The following COL25A1 variants were observed in gnomAD, a reference collection of about 807,000 sequenced individuals.
COL25A1 encodes the protein collagen alpha-1(XXV) chain.
A neutral mutation model predicts 128.4 loss-of-function variants in COL25A1; 103 were observed. That is an observed-to-expected ratio of 0.80 (90% CI 0.68 to 0.94). The LOEUF is 0.94. Ranked by LOEUF, COL25A1 falls within the 40% of genes least tolerant of loss-of-function variation. The pLI is 0.00. For missense variants in COL25A1, 745 were observed against 840.0 expected, an observed-to-expected ratio of 0.89 and a Z score of 1.40; for synonymous variants, 279 against 277.2, an observed-to-expected ratio of 1.01 and a Z score of -0.06.
chr4:109,274,420 G>C (rs1782405795), intron 3 of COL25A1, among the ~76,000 whole-genome samples: 1 of 152,060 alleles, frequency 6.6e-6, no homozygotes, highest in African/African-American at 2.4e-5. Flanking sequence ...TTTACAGAAA[G>C]AGAAATGATT....
At chr4:108,993,106 T>C (rs772596820) in intron 6 of COL25A1, among the ~76,000 whole-genome samples, 3 of 152,196 alleles carry the variant, frequency 2.0e-5, no homozygotes, top group Non-Finnish European at 4.4e-5. Flanking sequence ...GTAGTCACCA[T>C]GTTGTACCAT....
At chr4:109,191,061 C>T (rs1775564747) in intron 3 of COL25A1, among the ~76,000 whole-genome samples, 1 of 152,152 alleles carries the variant, frequency 6.6e-6, no homozygotes, top group Admixed American at 6.5e-5. Context: ...TCAGCATTTT[C>T]CTGCAAGGTT....
intron 3 of COL25A1, among the ~76,000 whole-genome samples, chr4:109,101,291 A>T (rs1056025304): frequency 1.3e-5 from 2 of 152,212 alleles, no homozygotes; most frequent in African/African-American, 4.8e-5. Flanking sequence ...GGAGGAATGC[A>T]CAGGTAAGGC....
At chr4:109,023,150 A>AT (rs1757926517) in intron 5 of COL25A1, among the ~76,000 whole-genome samples, 1 of 152,234 alleles carries the variant, frequency 6.6e-6, no homozygotes, top group South Asian at 2.1e-4. Context: ...CTTCCACAGC[A>AT]TATCAGTGAC....
At chr4:109,224,855 G>A (rs567078819) in intron 3 of COL25A1, among the ~76,000 whole-genome samples, 26 of 152,162 alleles carry the variant, frequency 1.7e-4, no homozygotes, top group Non-Finnish European at 2.9e-4. Context: ...CAGGAGAATC[G>A]CTTGAACCCG....
chr4:108,987,532 G>A (rs910303708), intron 6 of COL25A1, among the ~76,000 whole-genome samples: 2 of 151,832 alleles, frequency 1.3e-5, no homozygotes, highest in African/African-American at 2.4e-5. Context: ...CCACCACCAT[G>A]CCTGGCTAAT....
chr4:108,967,770 T>G (rs1181760084), intron 8 of COL25A1, among the ~76,000 whole-genome samples: 1 of 152,142 alleles, frequency 6.6e-6, no homozygotes, highest in Admixed American at 6.5e-5. Context: ...TTATAATTAT[T>G]ATGTGAGGTC....
At chr4:109,253,429 G>A (rs530387193) in intron 3 of COL25A1, among the ~76,000 whole-genome samples, 1 of 152,248 alleles carries the variant, frequency 6.6e-6, no homozygotes. Flanking sequence ...TTGAAGACAG[G>A]CAGGGAGAGC....
chr4:109,173,698 T>A (rs1024521296), intron 3 of COL25A1, among the ~76,000 whole-genome samples: 4 of 152,184 alleles, frequency 2.6e-5, no homozygotes, highest in African/African-American at 9.6e-5. Context: ...ATGTCAATAA[T>A]TATATTCAGT....
intron 23 of COL25A1, among the ~76,000 whole-genome samples, chr4:108,860,707 T>C (rs1737099745): frequency 2.0e-5 from 3 of 152,148 alleles, no homozygotes; most frequent in African/African-American, 7.2e-5. Context: ...TTAGGCCTTC[T>C]CAAAGAAGCT....
chr4:108,920,187 C>T (rs917082782), intron 12 of COL25A1, among the ~76,000 whole-genome samples: 1 of 152,134 alleles, frequency 6.6e-6, no homozygotes, highest in African/African-American at 2.4e-5. Context: ...TATAGTGAAC[C>T]CAGCAATATC....
rs1282906701 is a variant in COL25A1 at position 108,813,413 on chromosome 4, AG to A, written c.*513del. ...TAGCATCTGAAGTTGCACAGCAAGC[AG>A]GTTTGGCACACAGTCATGCTTTTTT... is the stretch of plus-strand genomic sequence containing the variant. On this transcript the variant is annotated 3_prime_UTR_variant, in exon 38 of 38. Transcript: ENST00000399132. 6.5e-6 allele frequency: 1 copy of A among 153,194 alleles called. No individual in the cohort carries two copies. Among genetic ancestry groups the A allele is most frequent in the African/African-American group, 2.4e-5 (1 of 41,474 alleles). 9.5% of individuals were successfully genotyped at this position (153,194 alleles called of 1,614,324 possible). A position where few individuals can be genotyped will look rare whatever the true frequency, so the allele number is the denominator to read the frequency against.
chr4:109,008,895 C>A (rs1756309105), intron 6 of COL25A1, among the ~76,000 whole-genome samples: 1 of 152,096 alleles, frequency 6.6e-6, no homozygotes, highest in Non-Finnish European at 1.5e-5. Flanking sequence ...GTGGGTAGAT[C>A]ACCTGAGGTC....
At chr4:109,052,581 G>A (rs1329170227) in intron 3 of COL25A1, among the ~76,000 whole-genome samples, 2 of 152,146 alleles carry the variant, frequency 1.3e-5, no homozygotes, top group South Asian at 2.1e-4. Context: ...AAACTGCAGG[G>A]AGCATTATAC....
chr4:109,127,154 T>C (rs1382680507), intron 3 of COL25A1, among the ~76,000 whole-genome samples: 5 of 152,216 alleles, frequency 3.3e-5, no homozygotes, highest in Non-Finnish European at 2.9e-5. Flanking sequence ...ACTGGCACAG[T>C]ATATTATTTC....
At chr4:108,922,402 G>A (rs553902001) in intron 11 of COL25A1, among the ~76,000 whole-genome samples, 168 of 152,042 alleles carry the variant, frequency 1.1e-3, no homozygotes, top group Middle Eastern at 6.8e-3. Flanking sequence ...TATTTAGACC[G>A]AGAATGTGTA....
intron 3 of COL25A1, among the ~76,000 whole-genome samples, chr4:109,182,389 C>T (rs192145965): frequency 1.3e-5 from 2 of 152,162 alleles, no homozygotes; most frequent in African/African-American, 4.8e-5. Flanking sequence ...GAGCAGGAAG[C>T]ATGTCAAGAG....
chr4:109,032,852 C>T (rs1403803612), intron 5 of COL25A1, among the ~76,000 whole-genome samples: 1 of 152,190 alleles, frequency 6.6e-6, no homozygotes, highest in African/African-American at 2.4e-5. Flanking sequence ...CCACAGCATG[C>T]TCGGAGTCTA....
chr4:109,001,732 G>A (rs567263998), intron 6 of COL25A1, among the ~76,000 whole-genome samples: 6 of 152,304 alleles, frequency 3.9e-5, no homozygotes, highest in African/African-American at 1.4e-4. Context: ...AATGCCTCAT[G>A]TTTAAGGTCT....
Sources: allele counts gnomAD v4.1 joint callset (sites outside exome capture counted in the v4.1 genomes callset), GRCh38; gene constraint gnomAD v4.1.1; transcripts MANE v1.5; gene names NCBI Gene and HGNC (gene_info 2026-07-23, HGNC 2026-07-21).